TUBGCP2: variants seen among roughly 807,000 people sequenced by gnomAD.
TUBGCP2 encodes gamma-tubulin complex component 2.
In TUBGCP2, 55 loss-of-function variants were observed where a neutral mutation model predicts 92.2. The observed-to-expected ratio is 0.60, with a 90% CI of 0.48 to 0.75. The LOEUF is 0.75. Among genes scored for constraint, TUBGCP2 ranks in the 30% least tolerant of loss-of-function variants. The pLI is 0.00. For missense variants in TUBGCP2, 1,093 were observed against 1,188.9 expected, an observed-to-expected ratio of 0.92 and a Z score of 1.19; for synonymous variants, 533 against 505.2, an observed-to-expected ratio of 1.06 and a Z score of -0.74.
chr10:133,295,229 T>G (rs1847461807), intron 5 of TUBGCP2: 1 of 152,336 alleles, frequency 6.6e-6, no homozygotes, highest in Non-Finnish European at 1.5e-5. Context: ...GACAGATCGC[T>G]TGACTCCAGG....
At chr10:133,308,396 G>C (rs990885999) in intron 1 of TUBGCP2, 1 of 152,258 alleles carries the variant, frequency 6.6e-6, no homozygotes, top group African/African-American at 2.4e-5. Flanking sequence ...GTCACCCAAG[G>C]GCTTTAAATT....
At position 133,279,468 on chromosome 10, in the gene TUBGCP2, T is replaced by TTG; in HGVS notation, c.*296_*297dup. 1 of 386,984 alleles carries TTG rather than the reference T, an allele frequency of 2.6e-6. No individual in the cohort carries two copies. The highest frequency in any genetic ancestry group is 4.6e-6 in the Non-Finnish European group (1 of 216,750). The allele number at this position is 386,984 out of a possible 1,614,324, so 24.0% of individuals were successfully genotyped here. A position where few individuals can be genotyped will look rare whatever the true frequency, so the allele number is the denominator to read the frequency against. ...GATCTTACCCCACATGCATCTTTGC[T>TTG]TGCTCCTGGCTTAAACACCATGTAT... On this transcript the variant is annotated 3_prime_UTR_variant, in exon 18 of 18. Transcript: ENST00000252936.
chr10:133,297,720 G>A (rs1412506699), intron 5 of TUBGCP2, among the ~76,000 whole-genome samples: 1 of 152,246 alleles, frequency 6.6e-6, no homozygotes, highest in African/African-American at 2.4e-5. Flanking sequence ...GAACCCTCAA[G>A]GACCCGGGTG....
upstream of TUBGCP2, chr10:133,309,490 G>T (rs375011313): frequency 3.7e-6 from 6 of 1,606,362 alleles, no homozygotes; most frequent in African/African-American, 8.0e-5. Context: ...TGCCTAGCCA[G>T]TGCTACTCCT....
intron 11 of TUBGCP2, among the ~76,000 whole-genome samples, chr10:133,286,481 C>T (rs1426756105): frequency 6.6e-6 from 1 of 152,228 alleles, no homozygotes; most frequent in South Asian, 2.1e-4. Context: ...CTTCTAACCA[C>T]GGAGAGAACC....
chr10:133,303,126 C>T, intron 1 of TUBGCP2, 146 bp from the exon 2 acceptor site: 1 of 717,396 alleles, frequency 1.4e-6, no homozygotes, highest in Non-Finnish European at 2.3e-6. Flanking sequence ...CCCCCAACAG[C>T]CCAGCAGCCT....
At chr10:133,308,897 G>A, upstream of TUBGCP2, 1 of 1,204,994 alleles carries the variant, frequency 8.3e-7, no homozygotes, top group Non-Finnish European at 1.0e-6. Flanking sequence ...GTCCGGCTCG[G>A]CTCGCGGACG....
chr10:133,307,083 C>T (rs1223149704), intron 1 of TUBGCP2, among the ~76,000 whole-genome samples: 3 of 152,220 alleles, frequency 2.0e-5, no homozygotes, highest in Admixed American at 6.5e-5. Context: ...AGAGCTGTCC[C>T]GCCAGAAATG....
At chr10:133,283,309 C>A in intron 14 of TUBGCP2, 88 bp from the exon 15 acceptor site, 2 of 1,574,386 alleles carry the variant, frequency 1.3e-6, no homozygotes, top group Non-Finnish European at 1.7e-6. Context: ...TGGCTTTGTG[C>A]ATTCCTGTTT....
At chr10:133,289,389 G>A (rs779595069) in intron 9 of TUBGCP2, among the ~76,000 whole-genome samples, 3 of 152,210 alleles carry the variant, frequency 2.0e-5, no homozygotes, top group East Asian at 3.8e-4. Context: ...TGACGGCCCC[G>A]ATGTGCCGAG....
At chr10:133,281,800 G>A (rs1315316335) in intron 16 of TUBGCP2, among the ~76,000 whole-genome samples, 3 of 152,252 alleles carry the variant, frequency 2.0e-5, no homozygotes, top group Non-Finnish European at 4.4e-5. Flanking sequence ...CAGCTCCAGC[G>A]TGTGAACACG....
At chr10:133,311,565 A>T, upstream of TUBGCP2, 2 of 654,726 alleles carry the variant, frequency 3.1e-6, no homozygotes, top group Non-Finnish European at 5.2e-6. Context: ...CCAGTATCTT[A>T]AACCACACTA....
chr10:133,300,137 T>C (rs1391979366), intron 2 of TUBGCP2, 24 bp from the exon 3 acceptor site: 2 of 1,605,006 alleles, frequency 1.2e-6, no homozygotes, highest in East Asian at 2.2e-5. Flanking sequence ...ACATGAGTGA[T>C]TTAATGACGG....
chr10:133,297,292 G>T (rs1384267391), intron 5 of TUBGCP2: 6 of 345,452 alleles, frequency 1.7e-5, no homozygotes, highest in South Asian at 1.1e-4. Context: ...CAGCTACTTG[G>T]GAGGCTGAGG....
At chr10:133,292,764 C>G (rs1396228392) in intron 7 of TUBGCP2, 76 bp from the exon 8 acceptor site, 3 of 1,496,814 alleles carry the variant, frequency 2.0e-6, no homozygotes, top group Non-Finnish European at 2.7e-6. Flanking sequence ...TGCTGGGGCC[C>G]CTCATGCTTC....
At chr10:133,310,338 G>T (rs374664993), upstream of TUBGCP2, 1 of 1,609,774 alleles carries the variant, frequency 6.2e-7, no homozygotes, top group African/African-American at 1.3e-5. Context: ...TTTAGGAAAA[G>T]GTTTCCAACT....
In TUBGCP2 at chr10:133,288,204, A is replaced by AG; in HGVS notation, c.1646dup (p.Arg550SerfsTer18). The AG allele has an allele frequency of 6.2e-7, 1 of 1,613,858 alleles. No individual in the cohort carries two copies. The highest frequency in any genetic ancestry group is 8.5e-7 in the Non-Finnish European group (1 of 1,179,950). On this transcript the variant is annotated frameshift_variant, in exon 11 of 18. Coordinates refer to ENST00000252936, the MANE Select transcript of TUBGCP2 (RefSeq NM_006659.4). LOFTEE classifies it high-confidence loss of function. ...CCAGCTCCAGGAGCGCTTCCAGGCG[A>AG]GGGGGCGTGATGTCCTCCACCGGCT... is the stretch of plus-strand genomic sequence containing the variant.
intron 8 of TUBGCP2, among the ~76,000 whole-genome samples, chr10:133,291,334 GTCCGTGTCCCCCATGT>G (rs1847297137): frequency 8.5e-5 from 1 of 11,708 alleles, no homozygotes; most frequent in African/African-American, 6.8e-4. Flanking sequence ...AGCATGCACC[GTCCGTGTCCCCCATGT>G]CCCTCCGTGT....
In TUBGCP2 at chr10:133,288,115, G is replaced by A. The variant is rs1463747315; in HGVS notation, c.1722+14C>T. 17 of 1,603,784 alleles carry A rather than the reference G, an allele frequency of 1.1e-5. No individual in the cohort carries two copies. Among genetic ancestry groups the A allele is most frequent in the East Asian group, 2.2e-5 (1 of 44,606 alleles). On this transcript the variant is annotated intron_variant, in intron 11 of 17. Coordinates refer to ENST00000252936, the MANE Select transcript of TUBGCP2 (RefSeq NM_006659.4). ...CCTCTGCCACAGGGGACAGCCCCCG[G>A]CACCCCCACCCACCTTGAGGTCGTC...
Sources: allele counts gnomAD v4.1 joint callset (sites outside exome capture counted in the v4.1 genomes callset), GRCh38; gene constraint gnomAD v4.1.1; transcripts MANE v1.5; gene names NCBI Gene and HGNC (gene_info 2026-07-23, HGNC 2026-07-21).